METTL15: variants seen among roughly 807,000 people sequenced by gnomAD.
METTL15 encodes 12S rRNA N(4)-cytidine methyltransferase METTL15.
Under a neutral mutation model 38.3 loss-of-function variants are expected in METTL15, and 34 were observed. That is an observed-to-expected ratio of 0.89 (90% CI 0.68 to 1.18). The LOEUF (loss-of-function observed/expected upper bound fraction) is 1.18. Ranked by LOEUF, METTL15 falls within the 50% of genes most tolerant of loss-of-function variation. The pLI, the probability that METTL15 is intolerant of heterozygous loss-of-function variation, is 0.00. For synonymous variants in METTL15, 162 were observed against 170.9 expected (o/e 0.95, Z 0.41); for missense variants, 438 against 498.4 (o/e 0.88, Z 1.15).
chr11:28,311,478 G>T (rs1262643921), intron 6 of METTL15, among the ~76,000 whole-genome samples: 2 of 152,002 alleles, frequency 1.3e-5, no homozygotes, highest in Non-Finnish European at 2.9e-5. Context: ...ATTATACTTT[G>T]TCTACCTTAT....
At chr11:28,267,065 C>T (rs747154786) in intron 4 of METTL15, among the ~76,000 whole-genome samples, 2 of 146,420 alleles carry the variant, frequency 1.4e-5, no homozygotes, top group African/African-American at 2.5e-5. Flanking sequence ...GAGGCTGACA[C>T]AGGAAAATCG....
intron 3 of METTL15, among the ~76,000 whole-genome samples, chr11:28,178,317 A>G (rs1851153002): frequency 6.6e-6 from 1 of 151,980 alleles, no homozygotes; most frequent in African/African-American, 2.4e-5. Context: ...CTCTGCCATA[A>G]AAATGTATCA....
At chr11:28,240,024 C>G (rs1854221551) in intron 4 of METTL15, among the ~76,000 whole-genome samples, 1 of 152,000 alleles carries the variant, frequency 6.6e-6, no homozygotes, top group Non-Finnish European at 1.5e-5. Flanking sequence ...AATAGGGTAT[C>G]AATAAATATT....
intron 6 of METTL15, among the ~76,000 whole-genome samples, chr11:28,462,494 A>G (rs1246052489): frequency 1.7e-5 from 1 of 57,812 alleles, no homozygotes; most frequent in East Asian, 3.5e-4. Context: ...ACACACACAC[A>G]CACACACACA....
chr11:28,131,385 A>G (rs1849330139), intron 3 of METTL15, among the ~76,000 whole-genome samples: 1 of 151,874 alleles, frequency 6.6e-6, no homozygotes, highest in Non-Finnish European at 1.5e-5. Flanking sequence ...TAGCCTGGTT[A>G]TGTTAACACC....
At chr11:28,484,722 T>G (rs2133476125) in intron 6 of METTL15, among the ~76,000 whole-genome samples, 1 of 152,240 alleles carries the variant, frequency 6.6e-6, no homozygotes, top group East Asian at 1.9e-4. Context: ...ATTCACTTCT[T>G]TTTCACCTGC....
chr11:28,368,128 C>CAAAAAAAAAAAAAAAAAAAAAAAA (rs796151908), intron 5 of METTL15, among the ~76,000 whole-genome samples: 1 of 32,578 alleles, frequency 3.1e-5, no homozygotes, highest in African/African-American at 1.5e-4. Context: ...TTCTGCATAG[C>CAAAAAAAAAAAAAAAAAAAAAAAA]AAAAAAAAAA....
At chr11:28,150,349 G>T (rs1407382241) in intron 3 of METTL15, among the ~76,000 whole-genome samples, 3 of 151,454 alleles carry the variant, frequency 2.0e-5, no homozygotes, top group Non-Finnish European at 4.4e-5. Context: ...TGTCTACTTA[G>T]GCCATGAAAT....
At chr11:28,141,244 G>A (rs1321707286) in intron 3 of METTL15, among the ~76,000 whole-genome samples, 1 of 152,184 alleles carries the variant, frequency 6.6e-6, no homozygotes, top group Non-Finnish European at 1.5e-5. Context: ...TTCATGTGCT[G>A]AGTCAGTATC....
chr11:28,121,711 T>G (rs1008697136), intron 3 of METTL15, among the ~76,000 whole-genome samples: 1 of 152,144 alleles, frequency 6.6e-6, no homozygotes. Context: ...TGTTGCTTTA[T>G]TTTACTGTTG....
At chr11:28,131,290 A>G (rs1388350139) in intron 3 of METTL15, among the ~76,000 whole-genome samples, 2 of 152,164 alleles carry the variant, frequency 1.3e-5, no homozygotes, top group Non-Finnish European at 1.5e-5. Flanking sequence ...CCATGAGGCA[A>G]GGTGGTAAAG....
At chr11:28,514,165 G>T (rs1851700148) in intron 6 of METTL15, among the ~76,000 whole-genome samples, 1 of 152,190 alleles carries the variant, frequency 6.6e-6, no homozygotes, top group South Asian at 2.1e-4. Context: ...AAGCCAATCA[G>T]CATTCTTTCA....
intron 3 of METTL15, among the ~76,000 whole-genome samples, chr11:28,143,028 A>T (rs1402294905): frequency 6.6e-6 from 1 of 152,074 alleles, no homozygotes; most frequent in Non-Finnish European, 1.5e-5. Context: ...TAAGAGCTAG[A>T]TATGGTAAGT....
Position 28,137,855 on chromosome 11 carries a change from A to AT in METTL15, c.270+24257dup, listed in dbSNP as rs763315592. On this transcript the variant is annotated intron_variant, in intron 3 of 6. Coordinates refer to ENST00000407364, the MANE Select transcript of METTL15 (RefSeq NM_001113528.2). ...TTCTTTAGGCCAATCAATTAGAGCT[A>AT]TTTTTTATAAAACCATCACACACAT... Among the ~76,000 whole-genome samples, 76 of 151,180 alleles carry AT rather than the reference A, an allele frequency of 5.0e-4. 1 individual carries two copies. The highest frequency in any genetic ancestry group is 3.4e-3 in the Middle Eastern group (1 of 290).
chr11:28,308,218 A>G (rs1052509659), intron 6 of METTL15, among the ~76,000 whole-genome samples: 22 of 151,978 alleles, frequency 1.4e-4, no homozygotes, highest in Admixed American at 4.6e-4. Context: ...TCTGTCATTC[A>G]TATTTAATTG....
At chr11:28,285,447 GC>G (rs1446994135) in intron 4 of METTL15, among the ~76,000 whole-genome samples, 3 of 151,774 alleles carry the variant, frequency 2.0e-5, no homozygotes, top group South Asian at 2.1e-4. Context: ...TCTTCCAGTG[GC>G]CCAGGGAAGC....
At chr11:28,522,895 C>G (rs1054543140) in intron 6 of METTL15, among the ~76,000 whole-genome samples, 2 of 152,166 alleles carry the variant, frequency 1.3e-5, no homozygotes, top group Non-Finnish European at 2.9e-5. Flanking sequence ...TGTTTATTCA[C>G]CCACTTTTAC....
At chr11:28,156,044 T>G (rs767596645) in intron 3 of METTL15, among the ~76,000 whole-genome samples, 5 of 152,200 alleles carry the variant, frequency 3.3e-5, no homozygotes, top group Admixed American at 2.0e-4. Context: ...AAATGTAAAT[T>G]TCTTCTTTAA....
chr11:28,393,845 T>C (rs1265111016), intron 5 of METTL15, among the ~76,000 whole-genome samples: 3 of 152,088 alleles, frequency 2.0e-5, no homozygotes, highest in Admixed American at 1.3e-4. Context: ...ATCTTGAAGG[T>C]TGGCTACAAC....
Sources: gnomAD v4.1 joint callset for allele counts (sites outside exome capture counted in the v4.1 genomes callset) on GRCh38, gnomAD v4.1.1 for gene constraint, MANE v1.5 for transcripts, NCBI Gene and HGNC (gene_info 2026-07-23, HGNC 2026-07-21) for gene names.